OTULIN: variants seen among roughly 807,000 people sequenced by gnomAD.
The protein encoded by OTULIN is OTU deubiquitinase with linear linkage specificity.
In OTULIN, 15 loss-of-function variants were observed where a neutral mutation model predicts 39.6. The ratio of observed to expected loss-of-function variants is 0.38; its 90% CI spans 0.25 to 0.58. The LOEUF is 0.58. Among genes scored for constraint, OTULIN ranks in the 20% least tolerant of loss-of-function variants. The probability of loss-of-function intolerance (pLI) is 0.66; values close to 1 mark genes in which losing one functional copy is unlikely to be tolerated. For missense variants in OTULIN, 319 were observed against 445.9 expected (o/e 0.72, Z 2.56); for synonymous variants, 156 against 170.3 (o/e 0.92, Z 0.65).
At chr5:14,672,327 T>C (rs2126815416) in intron 1 of OTULIN, among the ~76,000 whole-genome samples, 1 of 152,272 alleles carries the variant, frequency 6.6e-6, no homozygotes, top group South Asian at 2.1e-4. Flanking sequence ...TGAAAGGTTT[T>C]AGTGGGGACA....
chr5:14,681,397 A>T, intron 3 of OTULIN, 67 bp from the exon 4 acceptor site: 1 of 1,524,804 alleles, frequency 6.6e-7, no homozygotes, highest in Admixed American at 2.1e-5. Flanking sequence ...TTTCCACAGG[A>T]ATGAAACTTT....
At position 14,695,790 on chromosome 5, in the gene OTULIN, G is replaced by A. The variant is rs959236878; in HGVS notation, c.*2742G>A. 6.6e-6 allele frequency: 1 copy of A among 152,188 alleles called. No individual in the cohort carries two copies. The highest frequency in any genetic ancestry group is 1.5e-5 in the Non-Finnish European group (1 of 68,038). 9.4% of individuals were successfully genotyped at this position (152,188 alleles called of 1,614,324 possible). A position where few individuals can be genotyped will look rare whatever the true frequency, so the allele number is the denominator to read the frequency against. ...CAGTAATACATGGTCTCTAACTGAT[G>A]ATTCGGGCCTGGATTTGATTGAAAG... On this transcript the variant is annotated 3_prime_UTR_variant, in exon 7 of 7. Transcript: ENST00000284274.
the OTULIN span, chr5:14,710,832 G>A: frequency 1.2e-5 from 4 of 338,602 alleles, no homozygotes; most frequent in Non-Finnish European, 2.3e-5. Flanking sequence ...TGCTGTGCAG[G>A]GTGACCGAGG....
intron 1 of OTULIN, among the ~76,000 whole-genome samples, chr5:14,665,541 T>C (rs1735815913): frequency 1.3e-5 from 2 of 152,000 alleles, no homozygotes; most frequent in Admixed American, 1.3e-4. Context: ...TACTGTACTG[T>C]GAAGACGACG....
chr5:14,673,796 T>G, intron 2 of OTULIN, 78 bp downstream of exon 2: 1 of 1,156,778 alleles, frequency 8.6e-7, no homozygotes, highest in Non-Finnish European at 1.3e-6. Context: ...ATAACCATTT[T>G]CATAAAATAT....
the OTULIN span, chr5:14,708,175 G>T: frequency 1.3e-5 from 2 of 152,184 alleles, no homozygotes. Flanking sequence ...TTAGGATGAC[G>T]TCCCTTGTGC....
chr5:14,673,530 G>C, intron 1 of OTULIN, 112 bp from the exon 2 acceptor site: 1 of 676,892 alleles, frequency 1.5e-6, no homozygotes, highest in Non-Finnish European at 2.4e-6. Context: ...ATCATGTAAA[G>C]TGAAAAAAGT....
rs1736578448 is a variant in OTULIN at position 14,693,222 on chromosome 5, C to T, written c.*174C>T. ...ACTAGCTTTTGATAAGAGAAATTAACCAAGTCTTTCCCCTCATCTATGATG... is the reference window on the plus strand; with the variant it reads ...ACTAGCTTTTGATAAGAGAAATTAATCAAGTCTTTCCCCTCATCTATGATG... On this transcript the variant is annotated 3_prime_UTR_variant, in exon 7 of 7. Transcript: ENST00000284274. 3.4e-6 allele frequency: 2 copies of T among 587,234 alleles called. No homozygotes were observed. Among genetic ancestry groups the T allele is most frequent in the Admixed American group, 3.1e-5 (1 of 32,782 alleles). 36.4% of individuals were successfully genotyped at this position (587,234 alleles called of 1,614,324 possible).
chr5:14,673,222 G>A (rs1736021183), intron 1 of OTULIN, among the ~76,000 whole-genome samples: 1 of 152,168 alleles, frequency 6.6e-6, no homozygotes, highest in South Asian at 2.1e-4. Context: ...ACGTTACAAA[G>A]GTCGGCAATG....
At chr5:14,715,010 C>T in the OTULIN span, among the ~76,000 whole-genome samples, 8 of 152,370 alleles carry the variant, frequency 5.3e-5, no homozygotes, top group South Asian at 2.1e-4. Context: ...GATGCCATCC[C>T]GGTGCTGTGA....
chr5:14,689,995 T>G, intron 5 of OTULIN, 44 bp from the exon 6 acceptor site: 2 of 1,582,218 alleles, frequency 1.3e-6, no homozygotes, highest in Non-Finnish European at 1.7e-6. Flanking sequence ...ACCAGGGATT[T>G]TTAGAACAAA....
chr5:14,668,941 G>A (rs1452998224), intron 1 of OTULIN, among the ~76,000 whole-genome samples: 2 of 152,062 alleles, frequency 1.3e-5, no homozygotes, highest in Non-Finnish European at 2.9e-5. Context: ...AAAATTGGTT[G>A]GTATGCAGGT....
chr5:14,675,490 C>T (rs1197577475), intron 2 of OTULIN, among the ~76,000 whole-genome samples: 1 of 152,222 alleles, frequency 6.6e-6, no homozygotes, highest in Non-Finnish European at 1.5e-5. Flanking sequence ...GAAGAATGCT[C>T]TGTCTCTACT....
intron 1 of OTULIN, among the ~76,000 whole-genome samples, chr5:14,669,464 T>G (rs1343782473): frequency 1.3e-5 from 2 of 151,670 alleles, no homozygotes; most frequent in Non-Finnish European, 2.9e-5. Flanking sequence ...TAACTAGGAA[T>G]TGTTAGCATT....
In OTULIN at chr5:14,692,849, C is replaced by T; in HGVS notation, c.865-5C>T. 2 of 1,613,050 alleles carry T rather than the reference C, an allele frequency of 1.2e-6. No homozygotes were observed. The highest frequency in any genetic ancestry group is 8.5e-7 in the Non-Finnish European group (1 of 1,179,158). ...CTCAGAATACCCGTTTGCTCTTCTT[C>T]CCAGGTTGAAATGTTCCTTCTTGCC... On this transcript the variant is annotated splice_region_variant and splice_polypyrimidine_tract_variant and intron_variant, in intron 6 of 6. Coordinates refer to ENST00000284274, the MANE Select transcript of OTULIN (RefSeq NM_138348.6).
chr5:14,691,937 T>C (rs995413505), intron 6 of OTULIN, among the ~76,000 whole-genome samples: 1 of 152,258 alleles, frequency 6.6e-6, no homozygotes, highest in African/African-American at 2.4e-5. Flanking sequence ...TTCCTTTTTA[T>C]TGATAAGTAA....
intron 1 of OTULIN, among the ~76,000 whole-genome samples, 197 bp downstream of exon 1, chr5:14,665,174 C>G (rs1158072516): frequency 6.6e-6 from 1 of 152,234 alleles, no homozygotes; most frequent in Non-Finnish European, 1.5e-5. Context: ...GGGCCCCTCA[C>G]AATTCTGGTC....
the OTULIN span, chr5:14,710,157 C>T: frequency 6.6e-6 from 1 of 152,190 alleles, no homozygotes; most frequent in African/African-American, 2.4e-5. Context: ...TTCTCAATTA[C>T]CTGTACCGCA....
intron 1 of OTULIN, among the ~76,000 whole-genome samples, chr5:14,667,624 C>G (rs1311637116): frequency 6.6e-6 from 1 of 152,190 alleles, no homozygotes; most frequent in Non-Finnish European, 1.5e-5. Flanking sequence ...ATCCTCTTGC[C>G]GCAGCTTCCT....
Sources: allele counts gnomAD v4.1 joint callset (sites outside exome capture counted in the v4.1 genomes callset), GRCh38; gene constraint gnomAD v4.1.1; transcripts MANE v1.5; gene names NCBI Gene and HGNC (gene_info 2026-07-23, HGNC 2026-07-21).